The following MAP2K4 variants were observed in gnomAD, a reference collection of about 807,000 sequenced individuals.
The protein encoded by MAP2K4 is dual specificity mitogen-activated protein kinase kinase 4.
In MAP2K4, 4 loss-of-function variants were observed where a neutral mutation model predicts 48.5. That is an observed-to-expected ratio of 0.08 (90% CI 0.04 to 0.19). The LOEUF (loss-of-function observed/expected upper bound fraction) is 0.19. MAP2K4 is among the 10% of genes least tolerant of loss of function. The pLI is 1.00. For missense variants in MAP2K4, 258 were observed against 493.3 expected (o/e 0.52, Z 4.52); for synonymous variants, 166 against 173.1 (o/e 0.96, Z 0.32).
At position 12,082,026 on chromosome 17, in the gene MAP2K4, T is replaced by G. The variant is rs781671189; in HGVS notation, c.393+496T>G. The G allele has an allele frequency of 6.0e-6, 3 of 501,970 alleles. No homozygotes were observed. The East Asian group carries it at 1.7e-4, about 28-fold the overall frequency. The allele number at this position is 501,970 out of a possible 1,614,324, so 31.1% of individuals were successfully genotyped here. A position where few individuals can be genotyped will look rare whatever the true frequency, so the allele number is the denominator to read the frequency against. ...CCGGCTCGGCTTCTGTTTGTTTATT[T>G]CATCTCTACTCAGTACTGCCCTGTT... On this transcript the variant is annotated intron_variant, in intron 3 of 10. Coordinates refer to ENST00000353533, the MANE Select transcript of MAP2K4 (RefSeq NM_003010.4).
chr17:12,100,907 G>T (rs927294119), intron 4 of MAP2K4, among the ~76,000 whole-genome samples: 5 of 151,890 alleles, frequency 3.3e-5, no homozygotes, highest in Non-Finnish European at 2.9e-5. Flanking sequence ...TTTAAATTGG[G>T]TTTTTTTGTT....
At chr17:12,045,380 CG>C (rs1219392951) in intron 1 of MAP2K4, among the ~76,000 whole-genome samples, 1 of 152,084 alleles carries the variant, frequency 6.6e-6, no homozygotes, top group East Asian at 1.9e-4. Context: ...CCTGTGTGCA[CG>C]TGGTTCCTTG....
At chr17:12,115,748 G>A in intron 7 of MAP2K4, 1 of 765,866 alleles carries the variant, frequency 1.3e-6, no homozygotes, top group Non-Finnish European at 2.4e-6. Flanking sequence ...TGTGACCTGT[G>A]TAATTATGCA....
At chr17:12,127,983 G>GT (rs1412981795) in intron 8 of MAP2K4, among the ~76,000 whole-genome samples, 4 of 152,242 alleles carry the variant, frequency 2.6e-5, no homozygotes, top group Non-Finnish European at 5.9e-5. Context: ...TCATCCTCAT[G>GT]TATCAGTCAC....
intron 1 of MAP2K4, chr17:12,021,278 T>C (rs534354082): frequency 4.3e-5 from 10 of 230,226 alleles, no homozygotes; most frequent in African/African-American, 2.1e-4. Flanking sequence ...GCCCACCTGG[T>C]CCGGGACCGC....
intron 3 of MAP2K4, 172 bp from the exon 4 acceptor site, chr17:12,095,403 A>G: frequency 1.4e-6 from 1 of 716,266 alleles, no homozygotes; most frequent in Non-Finnish European, 2.4e-6. Context: ...TTCTGTGATT[A>G]AAGTAATTCT....
intron 1 of MAP2K4, among the ~76,000 whole-genome samples, chr17:12,047,694 T>C (rs1970012285): frequency 6.6e-6 from 1 of 152,252 alleles, no homozygotes; most frequent in Non-Finnish European, 1.5e-5. Context: ...ACAAACATTT[T>C]CCAGTTTTCT....
At chr17:12,025,157 T>C (rs1969216952) in intron 1 of MAP2K4, among the ~76,000 whole-genome samples, 1 of 152,216 alleles carries the variant, frequency 6.6e-6, no homozygotes, top group Non-Finnish European at 1.5e-5. Context: ...TAAAGAGCAC[T>C]GGACTTAGAC....
intron 9 of MAP2K4, among the ~76,000 whole-genome samples, chr17:12,137,559 G>A (rs938159815): frequency 2.6e-5 from 4 of 152,162 alleles, no homozygotes; most frequent in Non-Finnish European, 4.4e-5. Flanking sequence ...TAGGAGCTGA[G>A]ACGTTCCCCC....
intron 7 of MAP2K4, among the ~76,000 whole-genome samples, chr17:12,120,960 T>C (rs910476919): frequency 1.3e-5 from 2 of 152,240 alleles, no homozygotes; most frequent in Non-Finnish European, 2.9e-5. Context: ...CTCATTGTTT[T>C]TCACTGTATT....
chr17:12,111,430 C>G (rs973470988), intron 6 of MAP2K4, among the ~76,000 whole-genome samples: 2 of 150,844 alleles, frequency 1.3e-5, no homozygotes, highest in East Asian at 3.9e-4. Flanking sequence ...GAGTTAGGTC[C>G]CTAAACAAAA....
intron 2 of MAP2K4, among the ~76,000 whole-genome samples, chr17:12,068,992 A>T (rs907438765): frequency 2.0e-5 from 3 of 152,168 alleles, no homozygotes; most frequent in Non-Finnish European, 4.4e-5. Context: ...AGAAAATCTA[A>T]CATTTAGAGG....
intron 3 of MAP2K4, among the ~76,000 whole-genome samples, chr17:12,095,054 A>T (rs1971689823): frequency 6.6e-6 from 1 of 152,170 alleles, no homozygotes; most frequent in Non-Finnish European, 1.5e-5. Context: ...CTATACTAGT[A>T]TTCACTTTAT....
chr17:12,053,855 C>G (rs565318375), intron 1 of MAP2K4, among the ~76,000 whole-genome samples: 3 of 152,144 alleles, frequency 2.0e-5, no homozygotes, highest in Admixed American at 2.0e-4. Context: ...CTATTAAATC[C>G]TCATCCACTG....
intron 1 of MAP2K4, among the ~76,000 whole-genome samples, chr17:12,046,335 G>A (rs148165928): frequency 0.01 from 1,544 of 152,166 alleles, 13 homozygotes; most frequent in Non-Finnish European, 0.013. Flanking sequence ...GGGGTTCGGG[G>A]GGTTATTTCG....
chr17:12,062,807 CT>C (rs1970492057), intron 2 of MAP2K4, among the ~76,000 whole-genome samples: 1 of 152,118 alleles, frequency 6.6e-6, no homozygotes, highest in African/African-American at 2.4e-5. Flanking sequence ...TATGTGATCT[CT>C]TTTTTCTTTT....
intron 1 of MAP2K4, chr17:12,021,299 G>C: frequency 4.9e-6 from 1 of 202,970 alleles, no homozygotes; most frequent in Non-Finnish European, 9.8e-6. Flanking sequence ...CCCCGCGGCC[G>C]TCCCCATCGC....
At chr17:12,075,619 C>G (rs1352903905) in intron 2 of MAP2K4, among the ~76,000 whole-genome samples, 1 of 152,100 alleles carries the variant, frequency 6.6e-6, no homozygotes, top group Non-Finnish European at 1.5e-5. Context: ...TATTTGTTCA[C>G]CAGATAGCTT....
At chr17:12,068,834 G>C (rs1003617586) in intron 2 of MAP2K4, among the ~76,000 whole-genome samples, 3 of 151,894 alleles carry the variant, frequency 2.0e-5, no homozygotes, top group Non-Finnish European at 4.4e-5. Context: ...ACATACTCTG[G>C]TGTTGAAAAT....
Sources: allele counts gnomAD v4.1 joint callset (sites outside exome capture counted in the v4.1 genomes callset), GRCh38; gene constraint gnomAD v4.1.1; transcripts MANE v1.5; gene names NCBI Gene and HGNC (gene_info 2026-07-23, HGNC 2026-07-21).